The following SPRYD4 variants were observed in gnomAD, a reference collection of about 807,000 sequenced individuals.
SPRYD4 encodes SPRY domain containing 4.
SPRYD4 carries 12 observed loss-of-function variants against 16.6 expected under a neutral mutation model. The ratio of observed to expected loss-of-function variants is 0.72; its 90% CI spans 0.46 to 1.17. SPRYD4 has a LOEUF of 1.17. Ranked by LOEUF, SPRYD4 falls within the 50% of genes most tolerant of loss-of-function variation. The probability of loss-of-function intolerance (pLI) is 0.00; values close to 1 mark genes in which losing one functional copy is unlikely to be tolerated. For missense variants in SPRYD4, 260 were observed against 260.2 expected (o/e 1.00, Z 0.00); for synonymous variants, 98 against 105.4 (o/e 0.93, Z 0.43).
rs759720133 is a variant in SPRYD4 at position 56,469,090 on chromosome 12, T to A, written c.137T>A (p.Phe46Tyr). The change falls in exon 2 of 2, where the codon TTC becomes TAC. Residue 46 changes from phenylalanine (F) to tyrosine (Y), a missense_variant. By Grantham distance (22) the Phe-to-Tyr change is conservative (BLOSUM62 3). Coordinates refer to ENST00000338146, the MANE Select transcript of SPRYD4 (RefSeq NM_207344.4). ...EKTAHSSLALFRDDTGVKYGL... is the reference protein window; with the variant it reads ...EKTAHSSLALYRDDTGVKYGL... ...ACCGCCCACAGCAGCCTGGCACTCT[T>A]CAGAGATGATACGGGTGTCAAATAT... 6.2e-7 allele frequency: 1 copy of A among 1,610,274 alleles called. No individual in the cohort carries two copies. The highest frequency in any genetic ancestry group is 1.1e-5 in the South Asian group (1 of 90,672).
Position 56,476,227 on chromosome 12 carries a change from A to G in SPRYD4, c.*6650A>G. The G allele has an allele frequency of 2.1e-6, 1 of 468,988 alleles. No homozygotes were observed. The highest frequency in any genetic ancestry group is 4.1e-5 in the East Asian group (1 of 24,170). 29.1% of individuals were successfully genotyped at this position (468,988 alleles called of 1,614,324 possible). A position where few individuals can be genotyped will look rare whatever the true frequency, so the allele number is the denominator to read the frequency against. On this transcript the variant is annotated 3_prime_UTR_variant, in exon 2 of 2. Transcript: ENST00000338146. ...ACCCAGGCTGGAGTGCAGTGGCACGATCATGGCTCACTGCAGCTTTGACCT... is the reference window on the plus strand; with the variant it reads ...ACCCAGGCTGGAGTGCAGTGGCACGGTCATGGCTCACTGCAGCTTTGACCT...
rs1869318231 is a variant in SPRYD4, at chr12:56,471,991, G to A, written c.*2414G>A. The A allele has an allele frequency of 7.8e-7, 1 of 1,282,044 alleles. No individual in the cohort carries two copies. Among genetic ancestry groups the A allele is most frequent in the Middle Eastern group, 2.5e-4 (1 of 4,028 alleles). The allele number at this position is 1,282,044 out of a possible 1,614,324, so 79.4% of individuals were successfully genotyped here. On this transcript the variant is annotated 3_prime_UTR_variant, in exon 2 of 2. Transcript: ENST00000338146. ...CTCAGTCATAGTCTAGCTGCAAACC[G>A]AAGGGTGTCTAGATAAAACTAGTTG... is the stretch of plus-strand genomic sequence containing the variant.
rs1228995065 is a variant in SPRYD4 at position 56,475,957 on chromosome 12, C to A, written c.*6380C>A. The A allele has an allele frequency of 1.2e-6, 2 of 1,613,644 alleles. No individual in the cohort carries two copies. Among genetic ancestry groups the A allele is most frequent in the South Asian group, 2.2e-5 (2 of 91,084 alleles). ...CAAGGGAACTTACAAAATCAAACTT[C>A]TCTGCTTTGTTACAGTCCATCTGCA... On this transcript the variant is annotated 3_prime_UTR_variant, in exon 2 of 2. Coordinates refer to ENST00000338146, the MANE Select transcript of SPRYD4 (RefSeq NM_207344.4).
rs1350170167 is a variant in SPRYD4, at chr12:56,473,123, T to G, written c.*3546T>G. The G allele has an allele frequency of 9.8e-7, 1 of 1,020,968 alleles. No homozygotes were observed. Among genetic ancestry groups the G allele is most frequent in the Non-Finnish European group, 1.5e-6 (1 of 671,054 alleles). 63.2% of individuals were successfully genotyped at this position (1,020,968 alleles called of 1,614,324 possible). ...CCAGGATGGTCTTGATCTCCTGACC[T>G]TGTGATCCGCCCGCCTTGGCCTCTC... On this transcript the variant is annotated 3_prime_UTR_variant, in exon 2 of 2. Coordinates refer to ENST00000338146, the MANE Select transcript of SPRYD4 (RefSeq NM_207344.4).
rs774282007 is a variant in SPRYD4, at chr12:56,468,997, T to TC, written c.86-41dup. 3.3e-6 allele frequency: 5 copies of TC among 1,528,574 alleles called. No individual in the cohort carries two copies. The South Asian group carries it at 5.1e-5, about 16-fold the overall frequency. The allele number at this position is 1,528,574 out of a possible 1,614,324, so 94.7% of individuals were successfully genotyped here. ...CTGAATATATCACCAGCCCTAGGGTTCTAGCCCCTGTTATTATCCCGTCTT... is the reference window on the plus strand; with the variant it reads ...CTGAATATATCACCAGCCCTAGGGTTCCTAGCCCCTGTTATTATCCCGTCTT... On this transcript the variant is annotated intron_variant, in intron 1 of 1. Coordinates refer to ENST00000338146, the MANE Select transcript of SPRYD4 (RefSeq NM_207344.4).
chr12:56,478,926 G>A lies in SPRYD4; in HGVS notation c.*9349G>A. Reference sequence around the variant, plus strand: ...TTGAACCTGGGAGGTGGAGGTTGCAGTGAGCTGAGATTGCACCATTGCACT... The same window carrying A: ...TTGAACCTGGGAGGTGGAGGTTGCAATGAGCTGAGATTGCACCATTGCACT... On this transcript the variant is annotated 3_prime_UTR_variant, in exon 2 of 2. Transcript: ENST00000338146. 8 of 1,230,010 alleles carry A rather than the reference G, an allele frequency of 6.5e-6. No individual in the cohort carries two copies. The highest frequency in any genetic ancestry group is 8.9e-6 in the Non-Finnish European group (8 of 894,114). 76.2% of individuals were successfully genotyped at this position (1,230,010 alleles called of 1,614,324 possible). A position where few individuals can be genotyped will look rare whatever the true frequency, so the allele number is the denominator to read the frequency against.
At position 56,479,196 on chromosome 12, in the gene SPRYD4, C is replaced by G. The variant is rs373424801; in HGVS notation, c.*9619C>G. The G allele has an allele frequency of 6.2e-7, 1 of 1,612,180 alleles. No homozygotes were observed. The highest frequency in any genetic ancestry group is 1.1e-5 in the South Asian group (1 of 91,012). On this transcript the variant is annotated 3_prime_UTR_variant, in exon 2 of 2. Transcript: ENST00000338146. ...TGCTCACACACCTGGATCCCAGACA[C>G]GATTGGATTAGGGGGCTAGAGAAAT...
Position 56,475,132 on chromosome 12 carries a change from G to A in SPRYD4, c.*5555G>A, listed in dbSNP as rs201848530. 1.2e-6 allele frequency: 2 copies of A among 1,613,672 alleles called. No individual in the cohort carries two copies. The highest frequency in any genetic ancestry group is 1.7e-6 in the Non-Finnish European group (2 of 1,180,012). On this transcript the variant is annotated 3_prime_UTR_variant, in exon 2 of 2. Transcript: ENST00000338146. Reference sequence around the variant, plus strand: ...GAATCTGAAGCAAACACCCAATTTAGTACTTGAAGTTGGAGGAGTGGGTGT... The same window carrying A: ...GAATCTGAAGCAAACACCCAATTTAATACTTGAAGTTGGAGGAGTGGGTGT...
Position 56,479,011 on chromosome 12 carries a change from G to C in SPRYD4, c.*9434G>C. ...GAAAAAAAAAAAAAAAAAAAATCTG[G>C]CCCAGGTCCCTGACCCCTCCCTTAG... On this transcript the variant is annotated 3_prime_UTR_variant, in exon 2 of 2. Coordinates refer to ENST00000338146, the MANE Select transcript of SPRYD4 (RefSeq NM_207344.4). 1 of 1,550,156 alleles carries C rather than the reference G, an allele frequency of 6.5e-7. No individual in the cohort carries two copies. The highest frequency in any genetic ancestry group is 2.0e-4 in the Middle Eastern group (1 of 5,070).
intron 1 of SPRYD4, 165 bp downstream of exon 1, chr12:56,468,841 CG>C: frequency 9.7e-7 from 1 of 1,029,934 alleles, no homozygotes; most frequent in East Asian, 2.6e-5. Context: ...CTTTAAATTC[CG>C]GGACTTACTC....
In SPRYD4 at chr12:56,478,266, G is replaced by A. The variant is rs755064325; in HGVS notation, c.*8689G>A. 2 of 1,614,100 alleles carry A rather than the reference G, an allele frequency of 1.2e-6. No individual in the cohort carries two copies. The highest frequency in any genetic ancestry group is 4.5e-5 in the East Asian group (2 of 44,878). On this transcript the variant is annotated 3_prime_UTR_variant, in exon 2 of 2. Transcript: ENST00000338146. ...GCTGAGGGATGTAGGCTGCCACCTGGACATGAGTGGGTAGAGAAAAGGGAG... is the reference window on the plus strand; with the variant it reads ...GCTGAGGGATGTAGGCTGCCACCTGAACATGAGTGGGTAGAGAAAAGGGAG...
chr12:56,474,801 G>A lies in SPRYD4; in HGVS notation c.*5224G>A. On this transcript the variant is annotated 3_prime_UTR_variant, in exon 2 of 2. Coordinates refer to ENST00000338146, the MANE Select transcript of SPRYD4 (RefSeq NM_207344.4). ...GGGTGTAGGGAAAGGGCAAGGGCAAGGACAGTCTGTCCTGTTCCCTCGGCC... is the reference window on the plus strand; with the variant it reads ...GGGTGTAGGGAAAGGGCAAGGGCAAAGACAGTCTGTCCTGTTCCCTCGGCC... 1 of 1,613,398 alleles carries A rather than the reference G, an allele frequency of 6.2e-7. No homozygotes were observed. The highest frequency in any genetic ancestry group is 8.5e-7 in the Non-Finnish European group (1 of 1,179,668).
In SPRYD4 at chr12:56,468,611, G is replaced by A; in HGVS notation, c.20G>A (p.Arg7His). 6.2e-7 allele frequency: 1 copy of A among 1,613,772 alleles called. No individual in the cohort carries two copies. Among genetic ancestry groups the A allele is most frequent in the Non-Finnish European group, 8.5e-7 (1 of 1,179,980 alleles). ...CGCAAGATGGCGCTGCTTTTTGCAC[G>A]TTCTTTGCGCTTGTGCCGCTGGGGA... The part of the protein sequence containing the change: MALLFA[R>H]SLRLCRWGAK... Residue 7 changes from arginine to histidine, a missense_variant, in exon 1 of 2, where the codon CGT (arginine) becomes CAT (histidine). By Grantham distance (29) the Arg-to-His change is conservative. Coordinates refer to ENST00000338146, the MANE Select transcript of SPRYD4 (RefSeq NM_207344.4).
At position 56,471,673 on chromosome 12, in the gene SPRYD4, A is replaced by G; in HGVS notation, c.*2096A>G. On this transcript the variant is annotated 3_prime_UTR_variant, in exon 2 of 2. Coordinates refer to ENST00000338146, the MANE Select transcript of SPRYD4 (RefSeq NM_207344.4). ...GAGGAATAATGATATGATCAGGCAA[A>G]GGAGACGTGGAGAGTGGTGGTTGTA... 1 of 1,613,446 alleles carries G rather than the reference A, an allele frequency of 6.2e-7. No individual in the cohort carries two copies. The highest frequency in any genetic ancestry group is 8.5e-7 in the Non-Finnish European group (1 of 1,179,440).
At position 56,479,164 on chromosome 12, in the gene SPRYD4, A is replaced by G. The variant is rs960261492; in HGVS notation, c.*9587A>G. 3.1e-6 allele frequency: 5 copies of G among 1,613,844 alleles called. No homozygotes were observed. Among genetic ancestry groups the G allele is most frequent in the Non-Finnish European group, 4.2e-6 (5 of 1,179,996 alleles). The stretch of plus-strand genomic sequence containing the variant: ...TCGGAATGCCTGGGTCAGGAGCACA[A>G]TGTTGCTGCTCACACACCTGGATCC... On this transcript the variant is annotated 3_prime_UTR_variant, in exon 2 of 2. Transcript: ENST00000338146.
chr12:56,469,001 G>T, intron 1 of SPRYD4, 38 bp from the exon 2 acceptor site: 1 of 1,529,372 alleles, frequency 6.5e-7, no homozygotes, highest in Non-Finnish European at 8.8e-7. Flanking sequence ...TAGGGTTCTA[G>T]CCCCTGTTAT....
chr12:56,468,710 G>C (rs1252453733), intron 1 of SPRYD4, 34 bp downstream of exon 1: 3 of 1,595,778 alleles, frequency 1.9e-6, no homozygotes, highest in East Asian at 2.2e-5. Context: ...TTTACCTCCA[G>C]AATGGCTGCC....
At position 56,473,763 on chromosome 12, in the gene SPRYD4, C is replaced by T; in HGVS notation, c.*4186C>T. The T allele has an allele frequency of 1.4e-6, 1 of 738,404 alleles. No individual in the cohort carries two copies. Among genetic ancestry groups the T allele is most frequent in the East Asian group, 2.9e-5 (1 of 34,104 alleles). The allele number at this position is 738,404 out of a possible 1,614,324, so 45.7% of individuals were successfully genotyped here. A position where few individuals can be genotyped will look rare whatever the true frequency, so the allele number is the denominator to read the frequency against. ...TTTATTACTCCTGTCCTTTCCTTCC[C>T]TTAAATTCATTGATTCAGCTAGAAA... On this transcript the variant is annotated 3_prime_UTR_variant, in exon 2 of 2. Coordinates refer to ENST00000338146, the MANE Select transcript of SPRYD4 (RefSeq NM_207344.4).
At position 56,475,431 on chromosome 12, in the gene SPRYD4, A is replaced by C; in HGVS notation, c.*5854A>C. Reference sequence around the variant, plus strand: ...ACACTGCCTCTCTCATTATGTACTAATTAGAAATGGAACAAATTATTTTAC... The same window carrying C: ...ACACTGCCTCTCTCATTATGTACTACTTAGAAATGGAACAAATTATTTTAC... On this transcript the variant is annotated 3_prime_UTR_variant, in exon 2 of 2. Coordinates refer to ENST00000338146, the MANE Select transcript of SPRYD4 (RefSeq NM_207344.4). 2 of 711,074 alleles carry C rather than the reference A, an allele frequency of 2.8e-6. No homozygotes were observed. The highest frequency in any genetic ancestry group is 4.6e-6 in the Non-Finnish European group (2 of 435,880). The allele number at this position is 711,074 out of a possible 1,614,324, so 44.0% of individuals were successfully genotyped here. A position where few individuals can be genotyped will look rare whatever the true frequency, so the allele number is the denominator to read the frequency against.
Sources: allele counts gnomAD v4.1 joint callset, GRCh38; gene constraint gnomAD v4.1.1; transcripts MANE v1.5; gene names NCBI Gene and HGNC (gene_info 2026-07-23, HGNC 2026-07-21).